Variants in PRKCH observed in about 807,000 individuals in gnomAD.
PRKCH encodes the protein protein kinase C eta, also known as protein kinase C eta type.
A neutral mutation model predicts 82.5 loss-of-function variants in PRKCH; 28 were observed. The observed-to-expected ratio is 0.34, with a 90% CI of 0.25 to 0.47. The LOEUF (loss-of-function observed/expected upper bound fraction) is 0.47. Among genes scored for constraint, PRKCH ranks in the 20% least tolerant of loss-of-function variants. The pLI, the probability that PRKCH is intolerant of heterozygous loss-of-function variation, is 1.00. For synonymous variants in PRKCH, 322 were observed against 327.4 expected (o/e 0.98, Z 0.18); for missense variants, 705 against 881.8 (o/e 0.80, Z 2.54).
At chr14:61,433,005 T>G (rs1210174334) in intron 2 of PRKCH, among the ~76,000 whole-genome samples, 3 of 140,944 alleles carry the variant, frequency 2.1e-5, no homozygotes, top group Non-Finnish European at 4.5e-5. Flanking sequence ...CCTATTGACC[T>G]GTCCTCTAAG....
chr14:61,204,401 A>C (rs1390322999), intron 1 of PRKCH, among the ~76,000 whole-genome samples: 1 of 152,198 alleles, frequency 6.6e-6, no homozygotes, highest in African/African-American at 2.4e-5. Flanking sequence ...TAAATGGAGA[A>C]ATAAAAGTAT....
intron 1 of PRKCH, among the ~76,000 whole-genome samples, chr14:61,300,525 G>A (rs2045440703): frequency 6.6e-6 from 1 of 152,192 alleles, no homozygotes. Context: ...CAGTATACAG[G>A]TGCTGTAAGG....
intron 12 of PRKCH, among the ~76,000 whole-genome samples, chr14:61,537,155 C>T (rs963583010): frequency 1.3e-5 from 2 of 152,308 alleles, no homozygotes; most frequent in South Asian, 2.1e-4. Flanking sequence ...CCCCTTCTGT[C>T]TTTCTCATCT....
At chr14:61,376,127 C>T (rs1309444356) in intron 1 of PRKCH, among the ~76,000 whole-genome samples, 1 of 150,602 alleles carries the variant, frequency 6.6e-6, no homozygotes, top group Non-Finnish European at 1.5e-5. Flanking sequence ...CTAATTCAGT[C>T]TCCAGATGAC....
intron 4 of PRKCH, among the ~76,000 whole-genome samples, chr14:61,448,151 T>G (rs1238878131): frequency 6.6e-6 from 1 of 152,226 alleles, no homozygotes; most frequent in African/African-American, 2.4e-5. Flanking sequence ...GCACTTTCAA[T>G]TTGGTTCTCC....
chr14:61,327,728 C>T (rs1280297289), intron 1 of PRKCH, among the ~76,000 whole-genome samples: 2 of 152,182 alleles, frequency 1.3e-5, no homozygotes. Flanking sequence ...AGAGCAGGGA[C>T]CCACCTCTCT....
At chr14:61,413,155 C>G (rs1425384685) in intron 2 of PRKCH, among the ~76,000 whole-genome samples, 3 of 152,162 alleles carry the variant, frequency 2.0e-5, no homozygotes, top group Non-Finnish European at 4.4e-5. Context: ...GTCTCACCAC[C>G]AACTTTCTAC....
chr14:61,382,362 G>A (rs1410584856), intron 1 of PRKCH, among the ~76,000 whole-genome samples: 1 of 152,150 alleles, frequency 6.6e-6, no homozygotes, highest in Non-Finnish European at 1.5e-5. Context: ...CCCAGGAGAT[G>A]GAGGTTTCAG....
intron 12 of PRKCH, chr14:61,537,952 C>T (rs1219204723): frequency 6.6e-6 from 1 of 152,238 alleles, no homozygotes; most frequent in East Asian, 1.9e-4. Context: ...CGGGGATCCT[C>T]TTTTAGCCCT....
At chr14:61,548,969 A>G (rs1348179148) in intron 13 of PRKCH, among the ~76,000 whole-genome samples, 3 of 152,184 alleles carry the variant, frequency 2.0e-5, no homozygotes, top group Admixed American at 1.3e-4. Flanking sequence ...GTTTATACAG[A>G]TATAAAATAC....
upstream of PRKCH, among the ~76,000 whole-genome samples, chr14:61,320,288 A>G (rs1038548413): frequency 2.2e-4 from 33 of 152,244 alleles, no homozygotes; most frequent in African/African-American, 8.0e-4. Flanking sequence ...GACAGAATGT[A>G]ATCAAGTATC....
chr14:61,386,335 G>A (rs2140193006), intron 1 of PRKCH, among the ~76,000 whole-genome samples: 1 of 152,316 alleles, frequency 6.6e-6, no homozygotes, highest in South Asian at 2.1e-4. Flanking sequence ...AAGCCACATG[G>A]TCAGATTTTA....
At chr14:61,530,018 T>C (rs1232302221) in intron 11 of PRKCH, among the ~76,000 whole-genome samples, 1 of 152,234 alleles carries the variant, frequency 6.6e-6, no homozygotes, top group East Asian at 1.9e-4. Context: ...TGTCTCTACT[T>C]AGTGATTTAA....
intron 12 of PRKCH, among the ~76,000 whole-genome samples, chr14:61,538,274 C>T (rs1053440292): frequency 6.6e-6 from 1 of 152,186 alleles, no homozygotes; most frequent in South Asian, 2.1e-4. Context: ...ACTGGAATAC[C>T]TGTCTGAGGA....
intron 2 of PRKCH, among the ~76,000 whole-genome samples, chr14:61,423,316 A>G (rs1296739722): frequency 1.3e-5 from 2 of 152,342 alleles, no homozygotes; most frequent in East Asian, 3.9e-4. Context: ...CAGACCCTGG[A>G]GGATCCAAAA....
chr14:61,339,846 C>G lies in PRKCH; in HGVS notation c.363+17382C>G, dbSNP rs79958928. Among the ~76,000 whole-genome samples, 82 of 151,374 alleles carry G rather than the reference C, an allele frequency of 5.4e-4. 5 individuals are homozygous for G. The East Asian group carries it at 0.015, about 27-fold the overall frequency. ...CAGGCATGCGCCACCATGCCCCCAG[C>G]TAATTTTTTAATTTTTCATAGAGAC... On this transcript the variant is annotated intron_variant, in intron 1 of 13. Coordinates refer to ENST00000332981, the MANE Select transcript of PRKCH (RefSeq NM_006255.5).
chr14:61,407,962 T>C (rs1177808929), intron 2 of PRKCH, among the ~76,000 whole-genome samples: 1 of 152,222 alleles, frequency 6.6e-6, no homozygotes. Flanking sequence ...CCACATCCCC[T>C]GTTGTCTGAA....
intron 10 of PRKCH, among the ~76,000 whole-genome samples, chr14:61,526,600 C>G (rs981776053): frequency 1.3e-5 from 2 of 152,250 alleles, no homozygotes; most frequent in Non-Finnish European, 2.9e-5. Flanking sequence ...CCTACCTCCT[C>G]CAAGCCAGCA....
chr14:61,243,432 A>G (rs1315490716), intron 1 of PRKCH, among the ~76,000 whole-genome samples: 1 of 150,918 alleles, frequency 6.6e-6, no homozygotes, highest in Non-Finnish European at 1.5e-5. Flanking sequence ...AATCTAAAGG[A>G]GGAGAGAAAG....
Sources: allele counts gnomAD v4.1 joint callset (sites outside exome capture counted in the v4.1 genomes callset), GRCh38; gene constraint gnomAD v4.1.1; transcripts MANE v1.5; gene names NCBI Gene and HGNC (gene_info 2026-07-23, HGNC 2026-07-21).